The following RNF150 variants were observed in gnomAD, a reference collection of about 807,000 sequenced individuals.
RNF150 encodes the protein ring finger protein 150.
RNF150 carries 24 observed loss-of-function variants against 39.3 expected under a neutral mutation model. The observed-to-expected ratio is 0.61, with a 90% CI of 0.44 to 0.86. RNF150 has a LOEUF of 0.86. RNF150 is among the 40% of genes least tolerant of loss of function. The pLI is 0.00. For missense variants in RNF150, 502 were observed against 587.8 expected (o/e 0.85, Z 1.51); for synonymous variants, 255 against 227.3 (o/e 1.12, Z -1.10).
chr4:141,151,590 A>G (rs896325887), intron 1 of RNF150, among the ~76,000 whole-genome samples: 6 of 152,178 alleles, frequency 3.9e-5, no homozygotes, highest in African/African-American at 1.4e-4. Flanking sequence ...ATCTAAAAGG[A>G]TCAGAAAAAT....
At chr4:140,998,728 A>T (rs1347160995) in intron 1 of RNF150, among the ~76,000 whole-genome samples, 2 of 152,180 alleles carry the variant, frequency 1.3e-5, no homozygotes, top group Non-Finnish European at 2.9e-5. Context: ...CCAGGGTCCT[A>T]GTTCCTGCAA....
At chr4:141,110,499 C>T (rs998232138) in intron 1 of RNF150, among the ~76,000 whole-genome samples, 1 of 151,760 alleles carries the variant, frequency 6.6e-6, no homozygotes, top group African/African-American at 2.4e-5. Context: ...GATCGTGGTT[C>T]ACTGCAGCCT....
At chr4:141,157,545 A>G (rs1727435114) in intron 1 of RNF150, among the ~76,000 whole-genome samples, 1 of 152,132 alleles carries the variant, frequency 6.6e-6, no homozygotes, top group African/African-American at 2.4e-5. Context: ...GAAACTTTAC[A>G]TTTCTTTTTT....
intron 1 of RNF150, among the ~76,000 whole-genome samples, chr4:141,036,202 TTC>T (rs765683368): frequency 6.6e-6 from 1 of 152,166 alleles, no homozygotes; most frequent in Non-Finnish European, 1.5e-5. Context: ...TTATTTTAAA[TTC>T]TACATATGGG....
intron 1 of RNF150, among the ~76,000 whole-genome samples, chr4:141,164,020 A>T (rs1727558105): frequency 6.6e-6 from 1 of 152,096 alleles, no homozygotes; most frequent in South Asian, 2.1e-4. Flanking sequence ...CTAAAAGAAC[A>T]TCTTCTAATC....
At chr4:141,126,246 A>T (rs1387262397) in intron 1 of RNF150, among the ~76,000 whole-genome samples, 1 of 152,154 alleles carries the variant, frequency 6.6e-6, no homozygotes, top group Non-Finnish European at 1.5e-5. Flanking sequence ...CATGTTTCTT[A>T]AATATCTAAG....
rs186537472 is a variant in RNF150, at chr4:141,059,272, G to A, written c.484+73053C>T. Among the ~76,000 whole-genome samples the A allele has an allele frequency of 9.9e-5, 15 of 152,166 alleles. 1 individual carries two copies. The East Asian group carries it at 2.9e-3, about 29-fold the overall frequency. Reference sequence around the variant, plus strand: ...TATGTTTAGTCGAATCGCTATGTCTGCTTGACTGTAATTCTATCATTCTTT... The same window carrying A: ...TATGTTTAGTCGAATCGCTATGTCTACTTGACTGTAATTCTATCATTCTTT... On this transcript the variant is annotated intron_variant, in intron 1 of 6. Coordinates refer to ENST00000515673, the MANE Select transcript of RNF150 (RefSeq NM_020724.2).
chr4:141,061,292 G>T (rs1229973500), intron 1 of RNF150, among the ~76,000 whole-genome samples: 1 of 152,158 alleles, frequency 6.6e-6, no homozygotes, highest in African/African-American at 2.4e-5. Flanking sequence ...CTGCATGGAG[G>T]CTTCATTATT....
chr4:141,046,207 G>C (rs533600722), intron 1 of RNF150, among the ~76,000 whole-genome samples: 38 of 152,162 alleles, frequency 2.5e-4, no homozygotes, highest in Non-Finnish European at 4.7e-4. Flanking sequence ...GGTCTGACTG[G>C]TAGCTGATGA....
intron 1 of RNF150, among the ~76,000 whole-genome samples, chr4:141,044,064 C>A (rs1378223859): frequency 1.3e-5 from 2 of 152,130 alleles, no homozygotes; most frequent in Non-Finnish European, 2.9e-5. Flanking sequence ...TCAAAATGTC[C>A]TTTTCTTCTT....
intron 1 of RNF150, among the ~76,000 whole-genome samples, chr4:141,095,118 A>C (rs1738722922): frequency 6.6e-6 from 1 of 152,238 alleles, no homozygotes; most frequent in Non-Finnish European, 1.5e-5. Flanking sequence ...AGACATGTTC[A>C]AACTAGCTCA....
chr4:140,973,754 G>A (rs1733554880), intron 1 of RNF150, among the ~76,000 whole-genome samples: 1 of 150,242 alleles, frequency 6.7e-6, no homozygotes, highest in South Asian at 2.1e-4. Flanking sequence ...GCGTGTGCCT[G>A]TAATCCCAGC....
intron 1 of RNF150, among the ~76,000 whole-genome samples, chr4:141,069,618 T>C (rs1737611020): frequency 6.6e-6 from 1 of 151,024 alleles, no homozygotes; most frequent in Admixed American, 6.6e-5. Flanking sequence ...TTGATTGGAA[T>C]AGTTTCAGAA....
At chr4:140,920,077 A>G (rs1168348533) in intron 5 of RNF150, among the ~76,000 whole-genome samples, 2 of 151,530 alleles carry the variant, frequency 1.3e-5, no homozygotes, top group Non-Finnish European at 2.9e-5. Flanking sequence ...CTAAAACCAT[A>G]AAAACCCTAG....
chr4:140,893,224 T>A (rs1238986106), intron 6 of RNF150, among the ~76,000 whole-genome samples: 2 of 152,146 alleles, frequency 1.3e-5, no homozygotes, highest in Non-Finnish European at 2.9e-5. Context: ...TTTTTTCTCC[T>A]AACTAGAGCA....
intron 1 of RNF150, among the ~76,000 whole-genome samples, chr4:141,022,343 A>G (rs1448984365): frequency 6.6e-6 from 1 of 152,128 alleles, no homozygotes; most frequent in African/African-American, 2.4e-5. Flanking sequence ...TTAGAAAAAG[A>G]ACATATGGAC....
At chr4:141,122,816 T>A (rs1419985255) in intron 1 of RNF150, among the ~76,000 whole-genome samples, 1 of 152,250 alleles carries the variant, frequency 6.6e-6, no homozygotes, top group Admixed American at 6.5e-5. Context: ...TCTTTTTAAA[T>A]GTTCTATATT....
At chr4:141,113,287 C>T (rs1739445557) in intron 1 of RNF150, among the ~76,000 whole-genome samples, 1 of 144,790 alleles carries the variant, frequency 6.9e-6, no homozygotes, top group South Asian at 2.3e-4. Flanking sequence ...TGCGAAGACA[C>T]ACAGAGGCTC....
At chr4:141,102,703 G>A (rs562213952) in intron 1 of RNF150, among the ~76,000 whole-genome samples, 11 of 151,852 alleles carry the variant, frequency 7.2e-5, no homozygotes, top group African/African-American at 2.4e-4. Flanking sequence ...TCACAAGGGC[G>A]GGCTTTTAAT....
Sources: allele counts gnomAD v4.1 joint callset (sites outside exome capture counted in the v4.1 genomes callset), GRCh38; gene constraint gnomAD v4.1.1; transcripts MANE v1.5; gene names NCBI Gene and HGNC (gene_info 2026-07-23, HGNC 2026-07-21).